The following RAD51B variants were observed in gnomAD, a reference collection of about 807,000 sequenced individuals.
RAD51B encodes the protein DNA repair protein RAD51 homolog 2.
Under a neutral mutation model 42.2 loss-of-function variants are expected in RAD51B, and 38 were observed. The ratio of observed to expected loss-of-function variants is 0.90; its 90% CI spans 0.70 to 1.18. The LOEUF is 1.18. Ranked by LOEUF, RAD51B falls within the 50% of genes most tolerant of loss-of-function variation. The probability of loss-of-function intolerance (pLI) is 0.00; values close to 1 mark genes in which losing one functional copy is unlikely to be tolerated. For synonymous variants in RAD51B, 154 were observed against 145.2 expected (o/e 1.06, Z -0.43); for missense variants, 373 against 400.7 (o/e 0.93, Z 0.59).
intron 7 of RAD51B, among the ~76,000 whole-genome samples, chr14:68,254,567 C>T (rs2080711191): frequency 6.6e-6 from 1 of 152,166 alleles, no homozygotes; most frequent in Non-Finnish European, 1.5e-5. Flanking sequence ...CGCATCACTA[C>T]TTTGACAATA....
intron 7 of RAD51B, among the ~76,000 whole-genome samples, chr14:67,944,386 T>G (rs1310062454): frequency 6.6e-6 from 1 of 152,154 alleles, no homozygotes. Context: ...TTTGTTTGTT[T>G]TAGCTGTCTT....
chr14:68,100,612 C>T (rs1465238731), intron 7 of RAD51B, among the ~76,000 whole-genome samples: 1 of 152,106 alleles, frequency 6.6e-6, no homozygotes, highest in Non-Finnish European at 1.5e-5. Context: ...GTTCTCTCAT[C>T]CTTCCATTGT....
intron 10 of RAD51B, chr14:68,469,001 C>A: frequency 2.5e-6 from 1 of 393,248 alleles, no homozygotes; most frequent in Non-Finnish European, 5.5e-6. Flanking sequence ...TTAGAAGAGT[C>A]AGCCCACAAT....
At chr14:68,115,920 T>A (rs950382372) in intron 7 of RAD51B, among the ~76,000 whole-genome samples, 5 of 151,576 alleles carry the variant, frequency 3.3e-5, no homozygotes, top group South Asian at 2.1e-4. Flanking sequence ...TCCTACAAAC[T>A]GCATTATTAA....
At chr14:68,386,069 C>G (rs1381879909) in intron 8 of RAD51B, among the ~76,000 whole-genome samples, 1 of 152,196 alleles carries the variant, frequency 6.6e-6, no homozygotes, top group Non-Finnish European at 1.5e-5. Context: ...TTTCCAAAGT[C>G]TGTGGGTTCT....
At chr14:68,052,796 GT>G (rs1160215989) in intron 7 of RAD51B, among the ~76,000 whole-genome samples, 4,006 of 141,328 alleles carry the variant, frequency 0.028, 158 homozygotes, top group African/African-American at 0.091. Context: ...ATTTTTTTGT[GT>G]TTTTTTTTTT....
At chr14:68,325,860 C>A (rs2082238129) in intron 8 of RAD51B, among the ~76,000 whole-genome samples, 1 of 152,058 alleles carries the variant, frequency 6.6e-6, no homozygotes, top group Admixed American at 6.5e-5. Flanking sequence ...GAACTTAACA[C>A]TGTAATTTAT....
At chr14:68,187,814 T>C (rs2079187004) in intron 7 of RAD51B, among the ~76,000 whole-genome samples, 1 of 152,166 alleles carries the variant, frequency 6.6e-6, no homozygotes, top group Admixed American at 6.6e-5. Context: ...TTTTATTTGT[T>C]TATTTTTCTT....
At chr14:68,564,239 G>T (rs12590644) in intron 10 of RAD51B, among the ~76,000 whole-genome samples, 1 of 152,208 alleles carries the variant, frequency 6.6e-6, no homozygotes, top group Non-Finnish European at 1.5e-5. Flanking sequence ...GGCTCTCTGC[G>T]GCCAATATCC....
At chr14:68,639,717 T>G (rs965222593) in intron 10 of RAD51B, among the ~76,000 whole-genome samples, 7 of 152,170 alleles carry the variant, frequency 4.6e-5, no homozygotes, top group African/African-American at 1.4e-4. Flanking sequence ...AACCTTCGGT[T>G]TGGCTGCCAT....
chr14:68,306,354 G>C (rs1332274121), intron 8 of RAD51B, among the ~76,000 whole-genome samples: 2 of 152,192 alleles, frequency 1.3e-5, no homozygotes, highest in African/African-American at 4.8e-5. Flanking sequence ...ATTTACCCAT[G>C]ACTTAGGTTA....
At chr14:68,513,600 G>T (rs772190460) in intron 10 of RAD51B, among the ~76,000 whole-genome samples, 6 of 152,148 alleles carry the variant, frequency 3.9e-5, no homozygotes, top group Non-Finnish European at 8.8e-5. Flanking sequence ...ACTGTATACT[G>T]TCTGGTCAGT....
At chr14:68,393,330 A>G (rs2083814337) in intron 8 of RAD51B, among the ~76,000 whole-genome samples, 1 of 152,226 alleles carries the variant, frequency 6.6e-6, no homozygotes, top group South Asian at 2.1e-4. Flanking sequence ...CCGTCAAACT[A>G]GGAAAGGTAA....
At chr14:68,400,586 A>AG (rs2084072664) in intron 8 of RAD51B, among the ~76,000 whole-genome samples, 1 of 152,236 alleles carries the variant, frequency 6.6e-6, no homozygotes, top group African/African-American at 2.4e-5. Context: ...CAATGGGAGC[A>AG]GGAAAGCAAA....
chr14:68,107,290 C>T (rs2077391081), intron 7 of RAD51B, among the ~76,000 whole-genome samples: 1 of 151,570 alleles, frequency 6.6e-6, no homozygotes, highest in Non-Finnish European at 1.5e-5. Context: ...AATTGAACCC[C>T]CAAAAGTATA....
intron 7 of RAD51B, among the ~76,000 whole-genome samples, chr14:67,909,517 T>G (rs936975176): frequency 6.6e-6 from 1 of 152,228 alleles, no homozygotes; most frequent in African/African-American, 2.4e-5. Flanking sequence ...AATATATCTT[T>G]GCGGTTTTGT....
intron 7 of RAD51B, among the ~76,000 whole-genome samples, chr14:67,967,657 G>A (rs1471996223): frequency 6.6e-6 from 1 of 152,226 alleles, no homozygotes; most frequent in African/African-American, 2.4e-5. Flanking sequence ...TCCAAGTCAT[G>A]CTGATGTAAG....
chr14:68,527,145 C>G (rs1009979201), intron 10 of RAD51B, among the ~76,000 whole-genome samples: 1 of 152,142 alleles, frequency 6.6e-6, no homozygotes, highest in Non-Finnish European at 1.5e-5. Context: ...AAACAAAAAA[C>G]GAAACAAAAT....
At chr14:68,619,267 G>A (rs1891891861) in intron 10 of RAD51B, among the ~76,000 whole-genome samples, 1 of 152,166 alleles carries the variant, frequency 6.6e-6, no homozygotes, top group African/African-American at 2.4e-5. Context: ...GAGGTCCAGA[G>A]ATCGAGACCA....
Sources: gnomAD v4.1 joint callset for allele counts (sites outside exome capture counted in the v4.1 genomes callset) on GRCh38, gnomAD v4.1.1 for gene constraint, MANE v1.5 for transcripts, NCBI Gene and HGNC (gene_info 2026-07-23, HGNC 2026-07-21) for gene names.